TOX: variants seen among roughly 807,000 people sequenced by gnomAD.
TOX encodes thymocyte selection associated high mobility group box.
TOX carries 11 observed loss-of-function variants against 53.7 expected under a neutral mutation model. That is an observed-to-expected ratio of 0.20 (90% CI 0.13 to 0.34). The LOEUF is 0.34. TOX is among the 10% of genes least tolerant of loss of function. TOX has a pLI of 1.00. For synonymous variants in TOX, 225 were observed against 245.3 expected (o/e 0.92, Z 0.77); for missense variants, 570 against 664.6 (o/e 0.86, Z 1.56).
At chr8:58,858,991 T>G (rs554334458) in intron 3 of TOX, among the ~76,000 whole-genome samples, 1 of 152,348 alleles carries the variant, frequency 6.6e-6, no homozygotes, top group African/African-American at 2.4e-5. Flanking sequence ...TGTAAATGTA[T>G]ACAACAGAAT....
chr8:59,079,329 C>A (rs1302805546), intron 1 of TOX, among the ~76,000 whole-genome samples: 6 of 152,184 alleles, frequency 3.9e-5, no homozygotes, highest in African/African-American at 1.4e-4. Flanking sequence ...AAAAAGGCCT[C>A]AGAGGCATTT....
At chr8:59,062,118 T>A (rs1406229921) in intron 1 of TOX, among the ~76,000 whole-genome samples, 1 of 151,854 alleles carries the variant, frequency 6.6e-6, no homozygotes, top group Non-Finnish European at 1.5e-5. Context: ...AGAACCAAAG[T>A]TTTTTACCAA....
At chr8:59,090,011 G>A (rs1168525490) in intron 1 of TOX, among the ~76,000 whole-genome samples, 3 of 152,096 alleles carry the variant, frequency 2.0e-5, no homozygotes, top group African/African-American at 7.3e-5. Flanking sequence ...GGCCACTGAT[G>A]TGGTCAGGTG....
At chr8:58,868,653 A>G (rs1157176344) in intron 3 of TOX, among the ~76,000 whole-genome samples, 1 of 152,124 alleles carries the variant, frequency 6.6e-6, no homozygotes, top group African/African-American at 2.4e-5. Context: ...ATAAAGGTAC[A>G]ACAATAAAAT....
chr8:58,889,184 C>T (rs1437919271), intron 3 of TOX, among the ~76,000 whole-genome samples: 1 of 142,938 alleles, frequency 7.0e-6, no homozygotes, highest in African/African-American at 2.6e-5. Context: ...TTATACAGGG[C>T]TCTTCATTGC....
At chr8:59,091,609 A>G (rs980762015) in intron 1 of TOX, among the ~76,000 whole-genome samples, 2 of 152,128 alleles carry the variant, frequency 1.3e-5, no homozygotes, top group Admixed American at 6.5e-5. Context: ...TCATAACAGC[A>G]TATCTCTCAT....
chr8:58,873,043 C>T (rs1404133185), intron 3 of TOX, among the ~76,000 whole-genome samples: 1 of 151,962 alleles, frequency 6.6e-6, no homozygotes, highest in Non-Finnish European at 1.5e-5. Context: ...TTAAAAATTG[C>T]CCCAGTTTTA....
intron 5 of TOX, among the ~76,000 whole-genome samples, chr8:58,834,580 A>G (rs560968604): frequency 8.5e-5 from 13 of 152,360 alleles, no homozygotes; most frequent in African/African-American, 2.6e-4. Context: ...ATCTACTGTT[A>G]TAACACTTTG....
intron 1 of TOX, among the ~76,000 whole-genome samples, chr8:59,021,479 A>ATATATATATATATATATATAT (rs1375026046): frequency 7.7e-5 from 5 of 64,724 alleles, no homozygotes; most frequent in African/African-American, 2.2e-4. Context: ...AAAAAAAAAA[A>ATATATATATATATATATATAT]AAATATATAT....
chr8:59,012,742 T>C (rs1813930456), intron 1 of TOX, among the ~76,000 whole-genome samples: 1 of 152,136 alleles, frequency 6.6e-6, no homozygotes, highest in African/African-American at 2.4e-5. Context: ...CACTTTCTCT[T>C]TGACTTCAAA....
intron 1 of TOX, among the ~76,000 whole-genome samples, chr8:59,107,343 A>G (rs1563448791): frequency 6.6e-6 from 1 of 152,174 alleles, no homozygotes; most frequent in Admixed American, 6.5e-5. Context: ...ACATCTAATC[A>G]AAGACTGTGC....
intron 3 of TOX, among the ~76,000 whole-genome samples, chr8:58,854,047 A>C (rs1810870008): frequency 6.6e-6 from 1 of 152,198 alleles, no homozygotes; most frequent in African/African-American, 2.4e-5. Context: ...ACACTATCCT[A>C]CAGGGGGGCA....
At chr8:59,104,483 T>C (rs1804861711) in intron 1 of TOX, among the ~76,000 whole-genome samples, 1 of 152,162 alleles carries the variant, frequency 6.6e-6, no homozygotes, top group African/African-American at 2.4e-5. Context: ...GGAAAACTTA[T>C]TACACATGAC....
chr8:58,989,316 A>C (rs75448318), intron 1 of TOX, among the ~76,000 whole-genome samples: 28 of 123,608 alleles, frequency 2.3e-4, no homozygotes, highest in Non-Finnish European at 4.9e-4. Context: ...ACTCTATCTC[A>C]AAAAAAAAAA....
At chr8:58,853,235 T>C (rs920193285) in intron 3 of TOX, among the ~76,000 whole-genome samples, 2 of 152,200 alleles carry the variant, frequency 1.3e-5, no homozygotes, top group Non-Finnish European at 2.9e-5. Flanking sequence ...GACCTCTGGC[T>C]GGCCTCATGA....
At chr8:58,991,694 GT>G (rs1813450963) in intron 1 of TOX, 1 of 152,138 alleles carries the variant, frequency 6.6e-6, no homozygotes, top group South Asian at 2.1e-4. Context: ...TTTAAAAATG[GT>G]TTCAAAGAAA....
At chr8:58,871,411 A>G (rs1811195095) in intron 3 of TOX, among the ~76,000 whole-genome samples, 1 of 152,168 alleles carries the variant, frequency 6.6e-6, no homozygotes, top group Non-Finnish European at 1.5e-5. Context: ...AAATTTAAAA[A>G]GCTATTTAGG....
intron 3 of TOX, among the ~76,000 whole-genome samples, chr8:58,878,553 A>G (rs1219974062): frequency 6.6e-6 from 1 of 152,226 alleles, no homozygotes; most frequent in Admixed American, 6.5e-5. Context: ...GCTCTATTTT[A>G]CAGTATCAAC....
chr8:59,057,576 T>C (rs984054329), intron 1 of TOX, among the ~76,000 whole-genome samples: 1 of 152,190 alleles, frequency 6.6e-6, no homozygotes, highest in Non-Finnish European at 1.5e-5. Context: ...ATTTCATGCT[T>C]GTAACTGCTG....
Sources: gnomAD v4.1 joint callset for allele counts (sites outside exome capture counted in the v4.1 genomes callset) on GRCh38, gnomAD v4.1.1 for gene constraint, MANE v1.5 for transcripts, NCBI Gene and HGNC (gene_info 2026-07-23, HGNC 2026-07-21) for gene names.